AGO4: variants seen among roughly 807,000 people sequenced by gnomAD.
AGO4 encodes the protein protein argonaute-4.
Under a neutral mutation model 104.7 loss-of-function variants are expected in AGO4, and 33 were observed. That is an observed-to-expected ratio of 0.32 (90% CI 0.24 to 0.42). AGO4 has a LOEUF of 0.42. Among genes scored for constraint, AGO4 ranks in the 10% least tolerant of loss-of-function variants. AGO4 has a pLI of 1.00. For missense variants in AGO4, 711 were observed against 1,083.4 expected (o/e 0.66, Z 4.83); for synonymous variants, 331 against 364.7 (o/e 0.91, Z 1.05).
intron 2 of AGO4, among the ~76,000 whole-genome samples, chr1:35,820,867 A>G (rs1012568631): frequency 2.0e-5 from 3 of 152,162 alleles, no homozygotes; most frequent in Non-Finnish European, 4.4e-5. Context: ...CACTGTATAA[A>G]TAAATAAATA....
In AGO4 at chr1:35,826,912, T is replaced by A. The variant is rs1209933430; in HGVS notation, c.848+77T>A. 21 of 1,489,562 alleles carry A rather than the reference T, an allele frequency of 1.4e-5. No individual in the cohort carries two copies. The Admixed American group carries it at 4.0e-4, about 28-fold the overall frequency. The allele number at this position is 1,489,562 out of a possible 1,614,324, so 92.3% of individuals were successfully genotyped here. ...AGCTACTATAATTGTTTTAAGAAAT[T>A]GGTTATTGGCCGGGCACAGTGGCTC... On this transcript the variant is annotated intron_variant, in intron 7 of 17. Coordinates refer to ENST00000373210, the MANE Select transcript of AGO4 (RefSeq NM_017629.4).
chr1:35,853,590 G>C lies in AGO4; in HGVS notation c.2571G>C (p.Thr857=). 2 of 1,613,644 alleles carry C rather than the reference G, an allele frequency of 1.2e-6. No homozygotes were observed. Among genetic ancestry groups the C allele is most frequent in the Non-Finnish European group, 1.7e-6 (2 of 1,179,808 alleles). ...AAATCCACCATGATACCCAGCACAC[G>C]ATGTATTTTGCCTGAGAGTCTCAGA... The part of the protein sequence containing the change: ...AVQIHHDTQH[T]MYFA The change falls in exon 18 of 18, where the codon ACG becomes ACC. Residue 857 remains threonine (T), a synonymous_variant. Transcript: ENST00000373210.
intron 7 of AGO4, among the ~76,000 whole-genome samples, chr1:35,831,181 G>A (rs1260140904): frequency 6.6e-6 from 1 of 151,894 alleles, no homozygotes; most frequent in Admixed American, 6.6e-5. Context: ...GACCAACGTG[G>A]TGAAACCCTG....
At chr1:35,848,402 A>G (rs6425961) in intron 15 of AGO4, among the ~76,000 whole-genome samples, 18,123 of 152,110 alleles carry the variant, frequency 0.12, 2,760 homozygotes, top group East Asian at 0.7. Flanking sequence ...GCTTTTCCCA[A>G]TGCTTCCCAT....
chr1:35,833,038 T>C (rs1327105693), intron 11 of AGO4, among the ~76,000 whole-genome samples: 5 of 152,144 alleles, frequency 3.3e-5, no homozygotes, highest in Non-Finnish European at 5.9e-5. Context: ...CCCAGCACTT[T>C]GGGAGGCCGA....
intron 15 of AGO4, among the ~76,000 whole-genome samples, chr1:35,844,186 C>G (rs1022880007): frequency 3.3e-5 from 5 of 152,118 alleles, no homozygotes; most frequent in Admixed American, 6.5e-5. Context: ...GGACTACAGG[C>G]ACTCACCATC....
chr1:35,843,871 T>C (rs967611320), intron 15 of AGO4, among the ~76,000 whole-genome samples: 1 of 152,164 alleles, frequency 6.6e-6, no homozygotes, highest in Admixed American at 6.6e-5. Context: ...TATCTCATAG[T>C]TTTATTCTTT....
At chr1:35,851,757 T>C (rs796728882) in intron 17 of AGO4, among the ~76,000 whole-genome samples, 6 of 152,358 alleles carry the variant, frequency 3.9e-5, no homozygotes, top group African/African-American at 1.4e-4. Context: ...AATGTCCAAC[T>C]GTGGCTTTGT....
rs1188195021 is a variant in AGO4 at position 35,831,421 on chromosome 1, C to T, written c.849-6C>T. 6.3e-7 allele frequency: 1 copy of T among 1,597,510 alleles called. No individual in the cohort carries two copies. The highest frequency in any genetic ancestry group is 2.2e-5 in the East Asian group (1 of 44,788). On this transcript the variant is annotated splice_polypyrimidine_tract_variant and splice_region_variant and intron_variant, in intron 7 of 17. Transcript: ENST00000373210. ...AATATTCTAAAAAAGACATTCTCTC[C>T]TATAGTTTTCCTTTGCAGCTAGAAA...
At chr1:35,823,448 C>T (rs1005471680) in intron 3 of AGO4, among the ~76,000 whole-genome samples, 13 of 151,204 alleles carry the variant, frequency 8.6e-5, no homozygotes, top group South Asian at 6.3e-4. Flanking sequence ...CCTTGAGAGA[C>T]GGAGCCTTGC....
In AGO4 at chr1:35,855,787, G is replaced by T. The variant is rs1015526487; in HGVS notation, c.*2182G>T. 5.9e-5 allele frequency: 9 copies of T among 151,980 alleles called. No individual in the cohort carries two copies. Among genetic ancestry groups the T allele is most frequent in the African/African-American group, 2.2e-4 (9 of 41,338 alleles). 9.4% of individuals were successfully genotyped at this position (151,980 alleles called of 1,614,324 possible). ...AGCACAGAGAATACCCTTCAGCATG[G>T]CCACTCTGGACCCAAGAGGAGGAAA... is the stretch of plus-strand genomic sequence containing the variant. On this transcript the variant is annotated 3_prime_UTR_variant, in exon 18 of 18. Transcript: ENST00000373210.
Position 35,851,071 on chromosome 1 carries a change from A to G in AGO4, c.2477+18A>G. The G allele has an allele frequency of 6.3e-7, 1 of 1,585,680 alleles. No homozygotes were observed. On this transcript the variant is annotated intron_variant, in intron 17 of 17. Coordinates refer to ENST00000373210, the MANE Select transcript of AGO4 (RefSeq NM_017629.4). Reference sequence around the variant, plus strand: ...CATGACAGGCAAGTTTCTTAGGCACAATAAAGTCTCTTTATATTTTAGTAG... The same window carrying G: ...CATGACAGGCAAGTTTCTTAGGCACGATAAAGTCTCTTTATATTTTAGTAG...
At chr1:35,853,317 C>T (rs1393624080) in intron 17 of AGO4, among the ~76,000 whole-genome samples, 180 bp from the exon 18 acceptor site, 3 of 149,870 alleles carry the variant, frequency 2.0e-5, no homozygotes, top group African/African-American at 7.4e-5. Context: ...ACAAATTATT[C>T]AAGAAGCTAA....
At chr1:35,832,223 A>G (rs760801022) in intron 10 of AGO4, 38 bp downstream of exon 10, 1 of 1,604,662 alleles carries the variant, frequency 6.2e-7, no homozygotes, top group Non-Finnish European at 8.5e-7. Flanking sequence ...TTCTTCCACA[A>G]CCAGTCAAAA....
chr1:35,811,083 G>A lies in AGO4; in HGVS notation c.19+2648G>A, dbSNP rs75301439. On this transcript the variant is annotated intron_variant, in intron 1 of 17. Transcript: ENST00000373210. The stretch of plus-strand genomic sequence containing the variant: ...TGGGAGGATGGCTTGAGCCTGCGAG[G>A]CAGAGGATGCTGCGAGCTGAGATCG... Among the ~76,000 whole-genome samples, 918 of 152,156 alleles carry A rather than the reference G, an allele frequency of 6.0e-3. 12 individuals are homozygous for A. The highest frequency in any genetic ancestry group is 0.021 in the African/African-American group (872 of 41,504).
At chr1:35,850,073 T>A in intron 15 of AGO4, 84 bp from the exon 16 acceptor site, 1 of 825,792 alleles carries the variant, frequency 1.2e-6, no homozygotes, top group Non-Finnish European at 1.9e-6. Context: ...ACCAACTTGC[T>A]CCCAATTAAC....
chr1:35,809,213 T>C (rs1643417049), intron 1 of AGO4, among the ~76,000 whole-genome samples: 1 of 152,186 alleles, frequency 6.6e-6, no homozygotes, highest in Admixed American at 6.5e-5. Flanking sequence ...GGATGGCCTC[T>C]GGTTATTTCT....
rs1644843064 is a variant in AGO4 at position 35,857,625 on chromosome 1, T to C, written c.*4020T>C. 1 of 152,200 alleles carries C rather than the reference T, an allele frequency of 6.6e-6. No homozygotes were observed. Among genetic ancestry groups the C allele is most frequent in the Non-Finnish European group, 1.5e-5 (1 of 68,036 alleles). The allele number at this position is 152,200 out of a possible 1,614,324, so 9.4% of individuals were successfully genotyped here. A position where few individuals can be genotyped will look rare whatever the true frequency, so the allele number is the denominator to read the frequency against. On this transcript the variant is annotated 3_prime_UTR_variant, in exon 18 of 18. Coordinates refer to ENST00000373210, the MANE Select transcript of AGO4 (RefSeq NM_017629.4). ...TTGGCCTGCAGGGATATTTTGTGTT[T>C]ATGTGTCCAAAAAAGGAATAAATTG...
rs181092178 is a variant in AGO4, at chr1:35,853,821, T to C, written c.*216T>C. The C allele has an allele frequency of 2.4e-6, 1 of 414,884 alleles. No individual in the cohort carries two copies. Among genetic ancestry groups the C allele is most frequent in the African/African-American group, 2.0e-5 (1 of 49,010 alleles). 25.7% of individuals were successfully genotyped at this position (414,884 alleles called of 1,614,324 possible). A position where few individuals can be genotyped will look rare whatever the true frequency, so the allele number is the denominator to read the frequency against. On this transcript the variant is annotated 3_prime_UTR_variant, in exon 18 of 18. Transcript: ENST00000373210. ...GTAATAGATACTAATAGATTATCTT[T>C]TCTGATGCACTGGACTGAATTTTTA... is the stretch of plus-strand genomic sequence containing the variant.
Sources: gnomAD v4.1 joint callset for allele counts (sites outside exome capture counted in the v4.1 genomes callset) on GRCh38, gnomAD v4.1.1 for gene constraint, MANE v1.5 for transcripts, NCBI Gene and HGNC (gene_info 2026-07-23, HGNC 2026-07-21) for gene names.